Variants in SGCZ observed in about 807,000 individuals in gnomAD.
The protein encoded by SGCZ is sarcoglycan zeta, also known as zeta-sarcoglycan.
In SGCZ, 40 loss-of-function variants were observed where a neutral mutation model predicts 41.3. The ratio of observed to expected loss-of-function variants is 0.97; its 90% CI spans 0.75 to 1.26. The LOEUF is 1.26. Among genes scored for constraint, SGCZ ranks in the 50% most tolerant of loss-of-function variants. The pLI is 0.00. For missense variants in SGCZ, 552 were observed against 369.8 expected (o/e 1.49, Z -4.04); for synonymous variants, 206 against 137.5 (o/e 1.50, Z -3.49).
chr8:14,636,959 T>C (rs555204903), intron 1 of SGCZ, among the ~76,000 whole-genome samples: 3 of 152,056 alleles, frequency 2.0e-5, no homozygotes, highest in East Asian at 3.9e-4. Flanking sequence ...TTTAACATTC[T>C]AGGTCATTCC....
chr8:15,078,594 A>T (rs1805630328), intron 1 of SGCZ, among the ~76,000 whole-genome samples: 1 of 152,074 alleles, frequency 6.6e-6, no homozygotes, highest in Admixed American at 6.6e-5. Flanking sequence ...TTTGTTTAAT[A>T]GGATGTTTGG....
At chr8:14,537,245 C>T (rs1281986542) in intron 2 of SGCZ, among the ~76,000 whole-genome samples, 1 of 151,864 alleles carries the variant, frequency 6.6e-6, no homozygotes, top group African/African-American at 2.4e-5. Flanking sequence ...TGGGAGCACA[C>T]ATGAACTGCA....
intron 4 of SGCZ, among the ~76,000 whole-genome samples, chr8:14,220,858 T>C (rs1055197836): frequency 6.6e-6 from 1 of 151,952 alleles, no homozygotes; most frequent in African/African-American, 2.4e-5. Flanking sequence ...CATTTAAAGG[T>C]GTGGGAAGCA....
intron 1 of SGCZ, among the ~76,000 whole-genome samples, chr8:15,033,948 C>T (rs1378408563): frequency 6.6e-6 from 1 of 152,138 alleles, no homozygotes; most frequent in East Asian, 1.9e-4. Flanking sequence ...TCTGCATGGG[C>T]TAAGTGGTCA....
rs972426419 is a variant in SGCZ at position 14,088,288 on chromosome 8, C to G, written c.*2155G>C. Among the ~76,000 whole-genome samples, 1 of 151,732 alleles carries G rather than the reference C, an allele frequency of 6.6e-6. No homozygotes were observed. The highest frequency in any genetic ancestry group is 1.5e-5 in the Non-Finnish European group (1 of 67,836). ...GAGATTCTCGAACTGCCTAAAACAG[C>G]TCAATTGATTAGTAGAAGACAGCTG... On this transcript the variant is annotated 3_prime_UTR_variant, in exon 8 of 8. Coordinates refer to ENST00000382080, the MANE Select transcript of SGCZ (RefSeq NM_139167.4).
chr8:14,908,577 C>T (rs1467589168), intron 1 of SGCZ, among the ~76,000 whole-genome samples: 1 of 151,880 alleles, frequency 6.6e-6, no homozygotes. Flanking sequence ...TGGTGAAACC[C>T]CATTTCTACT....
chr8:14,149,005 C>A (rs979547944), intron 5 of SGCZ, among the ~76,000 whole-genome samples: 3 of 151,892 alleles, frequency 2.0e-5, no homozygotes, highest in Admixed American at 1.3e-4. Flanking sequence ...ATAAAAACCC[C>A]CAAAAACCTG....
At chr8:14,744,330 G>C (rs1585225470) in intron 1 of SGCZ, among the ~76,000 whole-genome samples, 3 of 152,130 alleles carry the variant, frequency 2.0e-5, no homozygotes, top group East Asian at 1.9e-4. Context: ...TGATCCTTCT[G>C]TTTGGGCCAA....
At chr8:15,129,874 G>A (rs1807837350) in intron 1 of SGCZ, among the ~76,000 whole-genome samples, 1 of 151,990 alleles carries the variant, frequency 6.6e-6, no homozygotes, top group African/African-American at 2.4e-5. Flanking sequence ...TCCTCAGACA[G>A]TCACCACCAC....
chr8:14,125,453 G>A (rs1205395112), intron 5 of SGCZ, among the ~76,000 whole-genome samples: 10 of 149,950 alleles, frequency 6.7e-5, no homozygotes, highest in South Asian at 6.3e-4. Context: ...GCAGTGAGCC[G>A]AGATCACGCC....
At chr8:14,896,198 T>G (rs553995017) in intron 1 of SGCZ, among the ~76,000 whole-genome samples, 2 of 152,348 alleles carry the variant, frequency 1.3e-5, no homozygotes, top group African/African-American at 4.8e-5. Flanking sequence ...GTCACATTGT[T>G]AATTCTCTTC....
At chr8:14,392,651 C>A (rs1804816887) in intron 2 of SGCZ, among the ~76,000 whole-genome samples, 1 of 152,066 alleles carries the variant, frequency 6.6e-6, no homozygotes, top group Non-Finnish European at 1.5e-5. Context: ...ACTATGGTTA[C>A]TTGAAATACA....
At chr8:14,341,310 G>A in intron 2 of SGCZ, among the ~76,000 whole-genome samples, 1 of 152,192 alleles carries the variant, frequency 6.6e-6, no homozygotes, top group Non-Finnish European at 1.5e-5. Flanking sequence ...GCTGCATCAT[G>A]TGGTAATTTT....
chr8:15,125,564 C>T (rs1338599158), intron 1 of SGCZ, among the ~76,000 whole-genome samples: 2 of 152,168 alleles, frequency 1.3e-5, no homozygotes, highest in South Asian at 2.1e-4. Context: ...TGCAGGCTCA[C>T]ATGTAAATGC....
At chr8:14,551,653 A>G (rs1215623795) in intron 2 of SGCZ, among the ~76,000 whole-genome samples, 4 of 62,654 alleles carry the variant, frequency 6.4e-5, no homozygotes, top group South Asian at 3.5e-4. Context: ...TAAAATATAT[A>G]TATGAAAGTA....
intron 1 of SGCZ, among the ~76,000 whole-genome samples, chr8:14,771,879 T>C (rs1800251779): frequency 6.6e-6 from 1 of 152,146 alleles, no homozygotes; most frequent in Non-Finnish European, 1.5e-5. Flanking sequence ...TGAATCAATA[T>C]ATTTCAATTT....
chr8:14,744,145 A>G (rs1358380865), intron 1 of SGCZ, among the ~76,000 whole-genome samples: 1 of 150,004 alleles, frequency 6.7e-6, no homozygotes, highest in Non-Finnish European at 1.5e-5. Context: ...CAAAAACACA[A>G]TTCTTAAAAA....
intron 1 of SGCZ, among the ~76,000 whole-genome samples, chr8:14,840,455 C>T (rs17463290): frequency 0.63 from 95,803 of 151,898 alleles, 30,435 homozygotes; most frequent in East Asian, 0.81. Context: ...AATATATCAA[C>T]GTTCCGTGGC....
intron 1 of SGCZ, among the ~76,000 whole-genome samples, chr8:14,680,411 A>G (rs375122931): frequency 1.2e-4 from 19 of 152,250 alleles, no homozygotes; most frequent in African/African-American, 4.6e-4. Flanking sequence ...GCACTTTGGG[A>G]GATGTTTACA....
Sources: allele counts gnomAD v4.1 joint callset (sites outside exome capture counted in the v4.1 genomes callset), GRCh38; gene constraint gnomAD v4.1.1; transcripts MANE v1.5; gene names NCBI Gene and HGNC (gene_info 2026-07-23, HGNC 2026-07-21).